The following MAP3K5 variants were observed in gnomAD, a reference collection of about 807,000 sequenced individuals.
MAP3K5 encodes mitogen-activated protein kinase kinase kinase 5, also known as ASK-1.
In MAP3K5, 56 loss-of-function variants were observed where a neutral mutation model predicts 158.7. The observed-to-expected ratio is 0.35, with a 90% CI of 0.28 to 0.44. The LOEUF (loss-of-function observed/expected upper bound fraction) is 0.44. Ranked by LOEUF, MAP3K5 falls within the 20% of genes least tolerant of loss-of-function variation. The pLI is 1.00. For synonymous variants in MAP3K5, 579 were observed against 601.7 expected, an observed-to-expected ratio of 0.96 and a Z score of 0.55; for missense variants, 1,294 against 1,674.8, an observed-to-expected ratio of 0.77 and a Z score of 3.97.
intron 2 of MAP3K5, among the ~76,000 whole-genome samples, chr6:136,716,127 T>C (rs1320524690): frequency 6.9e-6 from 1 of 145,862 alleles, no homozygotes; most frequent in African/African-American, 2.5e-5. Flanking sequence ...ATTATAAACA[T>C]GTTAACATAA....
intron 23 of MAP3K5, chr6:136,584,533 A>G (rs1273058577): frequency 6.5e-6 from 1 of 152,924 alleles, no homozygotes; most frequent in Non-Finnish European, 1.5e-5. Context: ...GAAAGCATCA[A>G]ATCTTGTGAG....
intron 23 of MAP3K5, among the ~76,000 whole-genome samples, chr6:136,588,786 G>A (rs1221872958): frequency 2.6e-5 from 4 of 152,184 alleles, no homozygotes; most frequent in East Asian, 1.9e-4. Context: ...CTGATGGCTC[G>A]AGACCACTCC....
intron 25 of MAP3K5, among the ~76,000 whole-genome samples, chr6:136,574,891 G>T (rs1261359204): frequency 6.6e-6 from 1 of 151,760 alleles, no homozygotes; most frequent in South Asian, 2.1e-4. Flanking sequence ...GGGTTTCACT[G>T]TGTTAGCCAG....
chr6:136,600,552 C>G (rs1213211371), intron 21 of MAP3K5, among the ~76,000 whole-genome samples: 2 of 152,098 alleles, frequency 1.3e-5, no homozygotes, highest in Non-Finnish European at 2.9e-5. Context: ...TAGAGCAAAT[C>G]TACTTTCTCT....
intron 7 of MAP3K5, among the ~76,000 whole-genome samples, chr6:136,675,037 TATC>T (rs1299644440): frequency 6.6e-6 from 1 of 151,976 alleles, no homozygotes; most frequent in Non-Finnish European, 1.5e-5. Flanking sequence ...AAATAAATGT[TATC>T]ATTATATATT....
In MAP3K5 at chr6:136,567,683, C is replaced by T; in HGVS notation, c.3709G>A (p.Ala1237Thr). The change falls in exon 26 of 30, where the codon GCT becomes ACT. Residue 1237 changes from alanine to threonine, a missense_variant. Transcript: ENST00000359015. ...SSTVSHDSQS[A>T]HRSLNVQLGR... ...AGCTGTACATTCAGTGACCGGTGAG[C>T]ACTCTGGGAATCATGAGACACAGTA... is the stretch of plus-strand genomic sequence containing the variant. 2 of 1,614,178 alleles carry T rather than the reference C, an allele frequency of 1.2e-6. No individual in the cohort carries two copies. Among genetic ancestry groups the T allele is most frequent in the Non-Finnish European group, 8.5e-7 (1 of 1,180,028 alleles).
intron 21 of MAP3K5, among the ~76,000 whole-genome samples, chr6:136,600,810 C>T (rs1775840601): frequency 1.3e-5 from 2 of 151,906 alleles, no homozygotes; most frequent in Non-Finnish European, 2.9e-5. Context: ...TTAAGCCATC[C>T]CCACTCATGA....
At chr6:136,710,542 G>C (rs1781265252) in intron 2 of MAP3K5, among the ~76,000 whole-genome samples, 1 of 152,132 alleles carries the variant, frequency 6.6e-6, no homozygotes, top group African/African-American at 2.4e-5. Flanking sequence ...ACTAACTTTT[G>C]ATAGCTCTCT....
chr6:136,702,637 TAAC>T (rs1345527962), intron 3 of MAP3K5, among the ~76,000 whole-genome samples: 1 of 152,244 alleles, frequency 6.6e-6, no homozygotes, highest in Non-Finnish European at 1.5e-5. Context: ...GGTCATGAAA[TAAC>T]AACACATGCT....
chr6:136,792,845 C>G (rs1328085654), upstream of MAP3K5, among the ~76,000 whole-genome samples: 4 of 152,212 alleles, frequency 2.6e-5, no homozygotes, highest in Non-Finnish European at 5.9e-5. This position sits in a 1 kb window ranked among gnomAD's most constrained non-coding sequence, Gnocchi z 5.7. Context: ...CTCTCCCTCT[C>G]CACCACCAGC....
intron 10 of MAP3K5, among the ~76,000 whole-genome samples, chr6:136,655,282 A>G (rs1778693225): frequency 6.6e-6 from 1 of 152,226 alleles, no homozygotes; most frequent in African/African-American, 2.4e-5. Flanking sequence ...AGCTACAGGC[A>G]AGCTGCCAGC....
At chr6:136,744,245 G>A (rs185773645) in intron 1 of MAP3K5, among the ~76,000 whole-genome samples, 1 of 152,232 alleles carries the variant, frequency 6.6e-6, no homozygotes, top group East Asian at 1.9e-4. Flanking sequence ...AACAGCAGAG[G>A]AGGCTGTGTT....
chr6:136,721,984 T>C (rs1431659552), intron 1 of MAP3K5, among the ~76,000 whole-genome samples: 1 of 152,140 alleles, frequency 6.6e-6, no homozygotes, highest in African/African-American at 2.4e-5. Flanking sequence ...CCCATGAAAA[T>C]CAGAAATAAA....
intron 7 of MAP3K5, among the ~76,000 whole-genome samples, chr6:136,692,169 G>A (rs1240133252): frequency 6.6e-6 from 1 of 151,838 alleles, no homozygotes; most frequent in African/African-American, 2.4e-5. Context: ...AGCCTCCTGA[G>A]TAGCTGGAAC....
chr6:136,641,093 A>G (rs922487792), intron 12 of MAP3K5, among the ~76,000 whole-genome samples: 1 of 152,222 alleles, frequency 6.6e-6, no homozygotes, highest in African/African-American at 2.4e-5. Context: ...AAAATGCAGC[A>G]ATAAATAGTG....
chr6:136,575,525 A>G (rs1326475410), intron 25 of MAP3K5, among the ~76,000 whole-genome samples: 3 of 152,080 alleles, frequency 2.0e-5, no homozygotes, highest in East Asian at 1.9e-4. Context: ...TTTCCTACCA[A>G]TGTCCTTTTT....
rs577945926 is a variant in MAP3K5, at chr6:136,746,654, A to G, written c.449-26065T>C. Among the ~76,000 whole-genome samples, 605 of 152,096 alleles carry G rather than the reference A, an allele frequency of 4.0e-3. 6 individuals carry two copies. Among genetic ancestry groups the G allele is most frequent in the South Asian group, 0.035 (170 of 4,802 alleles). Reference sequence around the variant, plus strand: ...ATGTATAATCATGGTTTAACAGGGGAAAAAAAACAATTTGAGTATGCATAA... The same window carrying G: ...ATGTATAATCATGGTTTAACAGGGGGAAAAAAACAATTTGAGTATGCATAA... On this transcript the variant is annotated intron_variant, in intron 1 of 29. Coordinates refer to ENST00000359015, the MANE Select transcript of MAP3K5 (RefSeq NM_005923.4).
chr6:136,755,801 A>G (rs1783453069), intron 1 of MAP3K5, among the ~76,000 whole-genome samples: 1 of 152,104 alleles, frequency 6.6e-6, no homozygotes, highest in Non-Finnish European at 1.5e-5. Context: ...CTAGAATAGT[A>G]TCTTGTATAC....
intron 12 of MAP3K5, 38 bp from the exon 13 acceptor site, chr6:136,639,676 T>A: frequency 1.0e-6 from 1 of 989,814 alleles, no homozygotes; most frequent in Non-Finnish European, 1.6e-6. Flanking sequence ...TTCAGAGAAC[T>A]ATCAATTCTT....
Sources: gnomAD v4.1 joint callset for allele counts (sites outside exome capture counted in the v4.1 genomes callset) on GRCh38, gnomAD v4.1.1 for gene constraint, Gnocchi (gnomAD v3.1) non-coding constraint, MANE v1.5 for transcripts, NCBI Gene and HGNC (gene_info 2026-07-23, HGNC 2026-07-21) for gene names.